The following SP3 variants were observed in gnomAD, a reference collection of about 807,000 sequenced individuals.
SP3 encodes Sp3 transcription factor.
In SP3, 10 loss-of-function variants were observed where a neutral mutation model predicts 70.3. That is an observed-to-expected ratio of 0.14 (90% CI 0.09 to 0.24). The LOEUF (loss-of-function observed/expected upper bound fraction) is 0.24. Ranked by LOEUF, SP3 falls within the 10% of genes least tolerant of loss-of-function variation. The pLI is 1.00. For missense variants in SP3, 825 were observed against 914.6 expected (o/e 0.90, Z 1.26); for synonymous variants, 402 against 333.5 (o/e 1.21, Z -2.24).
Position 173,955,614 on chromosome 2 carries a change from C to G in SP3, c.898G>C (p.Gly300Arg), listed in dbSNP as rs765436587. The G allele has an allele frequency of 3.6e-5, 58 of 1,614,016 alleles. No individual in the cohort carries two copies. ...INADGHLINTGQAMDSSDNSE... is the reference protein window; with the variant it reads ...INADGHLINTRQAMDSSDNSE... ...TTGTCTGAACTATCCATAGCTTGTC[C>G]TGTGTTTATCAAATGTCCGTCGGCA... Residue 300 changes from glycine (G) to arginine (R), a missense_variant, in exon 4 of 7, where the codon GGA becomes CGA. This residue lies in a region of SP3 where 678 missense variants were observed against 651.6 expected (regional missense o/e 1.04). Coordinates refer to ENST00000310015, the MANE Select transcript of SP3 (RefSeq NM_003111.5).
intron 4 of SP3, among the ~76,000 whole-genome samples, chr2:173,944,848 G>A (rs189456686): frequency 6.6e-6 from 1 of 152,318 alleles, no homozygotes; most frequent in Non-Finnish European, 1.5e-5. Context: ...GTGGGACGGT[G>A]GTTCATGCCT....
At chr2:173,940,944 T>C (rs2105482295) in intron 4 of SP3, among the ~76,000 whole-genome samples, 1 of 152,166 alleles carries the variant, frequency 6.6e-6, no homozygotes, top group Admixed American at 6.5e-5. Context: ...TACTCCTGTG[T>C]CCAACCCTTA....
chr2:173,910,535 C>T (rs537708606), intron 6 of SP3, among the ~76,000 whole-genome samples: 1 of 152,092 alleles, frequency 6.6e-6, no homozygotes, highest in African/African-American at 2.4e-5. Context: ...CTCAACTACG[C>T]TAAGAGTTTG....
Position 173,950,948 on chromosome 2 carries a change from A to C in SP3, c.1639+3925T>G, listed in dbSNP as rs567977467. Among the ~76,000 whole-genome samples, 3 of 152,296 alleles carry C rather than the reference A, an allele frequency of 2.0e-5. No individual in the cohort carries two copies. In the East Asian group the frequency reaches 5.8e-4, roughly 29 times the overall value. On this transcript the variant is annotated intron_variant, in intron 4 of 6. Transcript: ENST00000310015. ...TCTCAAATAATTTCCCCGTTCCTTT[A>C]AAATCAGGACAAAATTCAAATTTAA...
rs1294943438 is a variant in SP3, at chr2:173,901,481, G to GC, written c.*8459dup. 1.3e-5 allele frequency among the ~76,000 whole-genome samples: 2 copies of GC among 151,960 alleles called. No individual in the cohort carries two copies. Among genetic ancestry groups the GC allele is most frequent in the Admixed American group, 6.6e-5 (1 of 15,264 alleles). On this transcript the variant is annotated 3_prime_UTR_variant, in exon 7 of 7. Transcript: ENST00000310015. The stretch of plus-strand genomic sequence containing the variant: ...AAAAAATTGCAAATAACCCCAAAAA[G>GC]CAAGTGGGCAAAGGATTCAAACAGG...
chr2:173,934,929 G>A (rs956747144), intron 4 of SP3, among the ~76,000 whole-genome samples: 1 of 152,056 alleles, frequency 6.6e-6, no homozygotes, highest in African/African-American at 2.4e-5. Flanking sequence ...TGAAGTAATG[G>A]GAATTAAATA....
chr2:173,932,273 C>CA (rs1690086933), intron 4 of SP3, among the ~76,000 whole-genome samples: 1 of 152,192 alleles, frequency 6.6e-6, no homozygotes, highest in African/African-American at 2.4e-5. Context: ...CTCACTGCAA[C>CA]ATCTGCCTCC....
At chr2:173,937,243 T>TA (rs1690235799) in intron 4 of SP3, among the ~76,000 whole-genome samples, 1 of 152,214 alleles carries the variant, frequency 6.6e-6, no homozygotes, top group African/African-American at 2.4e-5. Flanking sequence ...AGACATTTAT[T>TA]AAAAATTTAT....
intron 4 of SP3, among the ~76,000 whole-genome samples, chr2:173,949,438 A>G (rs1690647182): frequency 6.6e-6 from 1 of 152,146 alleles, no homozygotes; most frequent in Non-Finnish European, 1.5e-5. Flanking sequence ...TAAATTAAAG[A>G]GCACACTGCC....
chr2:173,913,679 T>G (rs1321533748), intron 5 of SP3: 1 of 152,568 alleles, frequency 6.6e-6, no homozygotes, highest in African/African-American at 2.4e-5. Context: ...AAAAATATAT[T>G]TAAACCAAAG....
intron 4 of SP3, among the ~76,000 whole-genome samples, chr2:173,948,088 T>C (rs954648300): frequency 1.3e-5 from 2 of 152,218 alleles, no homozygotes; most frequent in Admixed American, 1.3e-4. Context: ...CTCCAGGCTC[T>C]TGTTTTCAGC....
chr2:173,964,384 C>CG, intron 2 of SP3, 21 bp downstream of exon 2: 1 of 678,482 alleles, frequency 1.5e-6, no homozygotes, highest in Admixed American at 2.0e-5. Context: ...GGAGCCGGGC[C>CG]GGGGTTCAGC....
At chr2:173,917,991 T>A (rs1321025381) in intron 5 of SP3, among the ~76,000 whole-genome samples, 1 of 143,522 alleles carries the variant, frequency 7.0e-6, no homozygotes, top group African/African-American at 2.5e-5. Flanking sequence ...CTGGATCTTG[T>A]TTTTTTTTTT....
intron 4 of SP3, among the ~76,000 whole-genome samples, chr2:173,950,616 A>G (rs1690683518): frequency 6.6e-6 from 1 of 151,442 alleles, no homozygotes; most frequent in African/African-American, 2.4e-5. Flanking sequence ...CGTTATAATC[A>G]TGCCACTGCA....
At position 173,902,991 on chromosome 2, in the gene SP3, T is replaced by C. The variant is rs184322828; in HGVS notation, c.*6950A>G. On this transcript the variant is annotated 3_prime_UTR_variant, in exon 7 of 7. Transcript: ENST00000310015. ...ATAGATACTTAGGTATTTGTTACATTGTTTTCTGCATTTTTCTGTATTCTT... is the reference window on the plus strand; with the variant it reads ...ATAGATACTTAGGTATTTGTTACATCGTTTTCTGCATTTTTCTGTATTCTT... Among the ~76,000 whole-genome samples, 12 of 152,362 alleles carry C rather than the reference T, an allele frequency of 7.9e-5. No homozygotes were observed. In the East Asian group the frequency reaches 1.2e-3, roughly 15 times the overall value.
In SP3 at chr2:173,908,048, T is replaced by TA. The variant is rs1428819149; in HGVS notation, c.*1892dup. 2 of 152,096 alleles carry TA rather than the reference T, an allele frequency of 1.3e-5. No homozygotes were observed. The highest frequency in any genetic ancestry group is 4.8e-5 in the African/African-American group (2 of 41,438). The allele number at this position is 152,096 out of a possible 1,614,324, so 9.4% of individuals were successfully genotyped here. A position where few individuals can be genotyped will look rare whatever the true frequency, so the allele number is the denominator to read the frequency against. On this transcript the variant is annotated 3_prime_UTR_variant, in exon 7 of 7. Coordinates refer to ENST00000310015, the MANE Select transcript of SP3 (RefSeq NM_003111.5). Reference sequence around the variant, plus strand: ...GATTTTTACTTTAAAACATCTACAATACACAATCACATTAATACTCTTTCC... The same window carrying TA: ...GATTTTTACTTTAAAACATCTACAATAACACAATCACATTAATACTCTTTCC...
chr2:173,933,671 T>TATATATATATATATATATATATATATAA (rs1404261157), intron 4 of SP3, among the ~76,000 whole-genome samples: 1 of 139,464 alleles, frequency 7.2e-6, no homozygotes, highest in Non-Finnish European at 1.5e-5. Flanking sequence ...TATATATATA[T>TATATATATATATATATATATATATATAA]AAAAGTTATA....
intron 4 of SP3, among the ~76,000 whole-genome samples, chr2:173,936,848 C>T (rs989986388): frequency 6.6e-6 from 1 of 151,412 alleles, no homozygotes; most frequent in Admixed American, 6.6e-5. Context: ...TCTCATCTCT[C>T]TACCTATACA....
In SP3 at chr2:173,902,040, C is replaced by A. The variant is rs950112151; in HGVS notation, c.*7901G>T. 2.6e-5 allele frequency among the ~76,000 whole-genome samples: 4 copies of A among 152,110 alleles called. No homozygotes were observed. The highest frequency in any genetic ancestry group is 7.2e-5 in the African/African-American group (3 of 41,412). The stretch of plus-strand genomic sequence containing the variant: ...GAGAGTGGTCTACTATGTGAGAAGA[C>A]CCCTACAGTGAGAGACTATGAGGAC... On this transcript the variant is annotated 3_prime_UTR_variant, in exon 7 of 7. Coordinates refer to ENST00000310015, the MANE Select transcript of SP3 (RefSeq NM_003111.5).
Sources: allele counts gnomAD v4.1 joint callset (sites outside exome capture counted in the v4.1 genomes callset), GRCh38; gene constraint gnomAD v4.1.1; regional missense constraint gnomAD v4.1.1; transcripts MANE v1.5; gene names NCBI Gene and HGNC (gene_info 2026-07-23, HGNC 2026-07-21).